The following KICS2 variants were observed in gnomAD, a reference collection of about 807,000 sequenced individuals.
The protein encoded by KICS2 is KICSTOR subunit 2.
A neutral mutation model predicts 31.4 loss-of-function variants in KICS2; 13 were observed. That is an observed-to-expected ratio of 0.41 (90% CI 0.27 to 0.66). The LOEUF is 0.66. Among genes scored for constraint, KICS2 ranks in the 30% least tolerant of loss-of-function variants. The pLI, the probability that KICS2 is intolerant of heterozygous loss-of-function variation, is 0.28. For missense variants in KICS2, 455 were observed against 545.4 expected (o/e 0.83, Z 1.65); for synonymous variants, 209 against 214.8 (o/e 0.97, Z 0.24).
At chr12:64,207,092 C>A (rs1301149024) in intron 2 of KICS2, among the ~76,000 whole-genome samples, 1 of 151,932 alleles carries the variant, frequency 6.6e-6, no homozygotes. Context: ...GACCCTTGAG[C>A]TCACGCGTTC....
At chr12:64,203,911 C>CTA (rs1390751027) in intron 2 of KICS2, among the ~76,000 whole-genome samples, 1 of 152,202 alleles carries the variant, frequency 6.6e-6, no homozygotes, top group East Asian at 1.9e-4. Context: ...TAATAATATA[C>CTA]ACAATCCATG....
chr12:64,190,412 T>G (rs558866668), downstream of KICS2, among the ~76,000 whole-genome samples: 83 of 152,174 alleles, frequency 5.5e-4, no homozygotes, highest in African/African-American at 1.9e-3. Flanking sequence ...ATCAAAAGGG[T>G]GGACATTCAC....
chr12:64,219,923 T>C (rs1221466171), intron 1 of KICS2, among the ~76,000 whole-genome samples: 2 of 152,218 alleles, frequency 1.3e-5, no homozygotes, highest in South Asian at 2.1e-4. Flanking sequence ...ATGTTTTAAA[T>C]GGCAACACGA....
chr12:64,212,025 C>T (rs760488381), intron 2 of KICS2, among the ~76,000 whole-genome samples: 58 of 152,104 alleles, frequency 3.8e-4, no homozygotes, highest in Non-Finnish European at 7.9e-4. Flanking sequence ...ATTTTACTTC[C>T]AAATAACTCA....
intron 2 of KICS2, among the ~76,000 whole-genome samples, chr12:64,205,737 G>A (rs985099958): frequency 1.4e-5 from 2 of 144,944 alleles, no homozygotes; most frequent in Non-Finnish European, 3.0e-5. Flanking sequence ...AGGAAAAAGG[G>A]AAGGAAGGGA....
chr12:64,188,607 G>C (rs1254154207), downstream of KICS2, among the ~76,000 whole-genome samples: 4 of 151,388 alleles, frequency 2.6e-5, no homozygotes, highest in Admixed American at 2.6e-4. Context: ...GGGAGAGGGA[G>C]AGGAAAAAAT....
intron 2 of KICS2, among the ~76,000 whole-genome samples, chr12:64,194,935 C>T (rs1409347662): frequency 3.5e-5 from 2 of 57,112 alleles, no homozygotes; most frequent in Non-Finnish European, 3.5e-5. Context: ...AGCTACAATT[C>T]ATTTTTTTTT....
chr12:64,216,796 G>C (rs2453509), intron 1 of KICS2, among the ~76,000 whole-genome samples: 150,196 of 152,326 alleles, frequency 0.99, 74,083 homozygotes, highest in Middle Eastern at 1. Flanking sequence ...GTACACATGA[G>C]CAATTATATT....
chr12:64,221,109 CG>C (rs3215078), intron 1 of KICS2, among the ~76,000 whole-genome samples: 28,743 of 95,020 alleles, frequency 0.3, 3,253 homozygotes, highest in Admixed American at 0.38. Flanking sequence ...GGTTAGGGAA[CG>C]GGGGGGGGTG....
chr12:64,221,864 G>T, intron 1 of KICS2, 139 bp downstream of exon 1: 1 of 966,624 alleles, frequency 1.0e-6, no homozygotes, highest in Non-Finnish European at 1.5e-6. Context: ...GAAAGGAACG[G>T]TGGGAGGAGA....
chr12:64,201,605 T>TAAAAAAAAAA (rs531373424), intron 2 of KICS2, among the ~76,000 whole-genome samples: 1 of 115,648 alleles, frequency 8.6e-6, no homozygotes, highest in African/African-American at 3.6e-5. Context: ...TAAAGTATAA[T>TAAAAAAAAAA]AAAAAAAAAA....
At chr12:64,220,061 A>G (rs2037665716) in intron 1 of KICS2, among the ~76,000 whole-genome samples, 1 of 152,218 alleles carries the variant, frequency 6.6e-6, no homozygotes, top group South Asian at 2.1e-4. Flanking sequence ...TAAATTCTGG[A>G]ACTTATGTTT....
At chr12:64,195,862 C>G (rs1173685741) in intron 2 of KICS2, among the ~76,000 whole-genome samples, 2 of 152,248 alleles carry the variant, frequency 1.3e-5, no homozygotes, top group African/African-American at 4.8e-5. Context: ...AAAATCGGGT[C>G]ACTCCCACCC....
At chr12:64,204,077 G>C (rs894178058) in intron 2 of KICS2, among the ~76,000 whole-genome samples, 9 of 152,370 alleles carry the variant, frequency 5.9e-5, no homozygotes, top group African/African-American at 2.2e-4. Context: ...GAAGCTGTAA[G>C]CCATTATCCT....
chr12:64,196,994 G>A (rs1219130262), intron 2 of KICS2, among the ~76,000 whole-genome samples: 5 of 133,244 alleles, frequency 3.8e-5, no homozygotes, highest in Non-Finnish European at 7.9e-5. Context: ...TGAAAGTGAT[G>A]GGGAGAATGG....
Position 64,192,801 on chromosome 12 carries a change from T to C in KICS2, c.*1041A>G, listed in dbSNP as rs2037393190. Reference sequence around the variant, plus strand: ...ATGCAGTGCTGCTTCTAAACATAATTTGTGGGGGGCAGGCATGAAACCCAA... The same window carrying C: ...ATGCAGTGCTGCTTCTAAACATAATCTGTGGGGGGCAGGCATGAAACCCAA... On this transcript the variant is annotated 3_prime_UTR_variant, in exon 3 of 3. Transcript: ENST00000398055. 2.0e-6 allele frequency: 2 copies of C among 985,264 alleles called. No individual in the cohort carries two copies. Among genetic ancestry groups the C allele is most frequent in the Non-Finnish European group, 2.4e-6 (2 of 829,936 alleles). 61.0% of individuals were successfully genotyped at this position (985,264 alleles called of 1,614,324 possible).
intron 2 of KICS2, among the ~76,000 whole-genome samples, chr12:64,196,905 G>A (rs1348929653): frequency 1.3e-5 from 2 of 149,514 alleles, no homozygotes; most frequent in East Asian, 2.0e-4. Flanking sequence ...AGAGAAAAAC[G>A]AATAAAAAGA....
intron 2 of KICS2, among the ~76,000 whole-genome samples, chr12:64,205,255 G>A (rs1265708582): frequency 1.3e-5 from 2 of 152,132 alleles, no homozygotes; most frequent in African/African-American, 2.4e-5. Flanking sequence ...AAAGAACTCC[G>A]AACAAGCTCT....
At position 64,194,463 on chromosome 12, in the gene KICS2, A is replaced by C; in HGVS notation, c.717T>G (p.His239Gln). Residue 239 changes from histidine (H) to glutamine (Q), a missense_variant, in exon 3 of 3, where the codon CAT becomes CAG. Transcript: ENST00000398055. ...IFEKQRETKK[H>Q]LFGGQSQKAV... ...CCTTCTGAGACTGCCCTCCAAACAG[A>C]TGTTTCTTGGTCTCCCGCTGTTTCT... 1 of 1,614,136 alleles carries C rather than the reference A, an allele frequency of 6.2e-7. No individual in the cohort carries two copies. The highest frequency in any genetic ancestry group is 1.1e-5 in the South Asian group (1 of 91,082).
Sources: gnomAD v4.1 joint callset for allele counts (sites outside exome capture counted in the v4.1 genomes callset) on GRCh38, gnomAD v4.1.1 for gene constraint, MANE v1.5 for transcripts, NCBI Gene and HGNC (gene_info 2026-07-23, HGNC 2026-07-21) for gene names.